FRMD4A: variants seen among roughly 807,000 people sequenced by gnomAD.
FRMD4A encodes FERM domain-containing protein 4A.
In FRMD4A, 29 loss-of-function variants were observed where a neutral mutation model predicts 129.1. That is an observed-to-expected ratio of 0.22 (90% confidence interval 0.17 to 0.31). The LOEUF is 0.31. Ranked by LOEUF, FRMD4A falls within the 10% of genes least tolerant of loss-of-function variation. The pLI is 1.00. For synonymous variants in FRMD4A, 634 were observed against 571.6 expected, an observed-to-expected ratio of 1.11 and a Z score of -1.56; for missense variants, 1,272 against 1,375.8, an observed-to-expected ratio of 0.92 and a Z score of 1.19.
intron 4 of FRMD4A, among the ~76,000 whole-genome samples, chr10:13,797,434 G>C (rs1386604436): frequency 6.6e-6 from 1 of 152,136 alleles, no homozygotes; most frequent in African/African-American, 2.4e-5. Flanking sequence ...CCACTTTCCA[G>C]GCAGAAAGAC....
At chr10:13,787,164 G>A (rs548971955) in intron 5 of FRMD4A, among the ~76,000 whole-genome samples, 48 of 152,242 alleles carry the variant, frequency 3.2e-4, no homozygotes, top group African/African-American at 1.1e-3. Flanking sequence ...ACCTCCTCTC[G>A]ACGGAAGTGG....
intron 2 of FRMD4A, among the ~76,000 whole-genome samples, chr10:13,918,800 T>C (rs1447913121): frequency 6.6e-6 from 1 of 151,942 alleles, no homozygotes; most frequent in African/African-American, 2.4e-5. Context: ...AATGCTGGGA[T>C]TACAGGCATG....
chr10:14,330,417 T>G (rs1843474443), intron 1 of FRMD4A, among the ~76,000 whole-genome samples, 180 bp downstream of exon 1: 1 of 151,972 alleles, frequency 6.6e-6, no homozygotes, highest in Admixed American at 6.6e-5. Flanking sequence ...AACACAAACG[T>G]GAAAGCTTAG....
At chr10:14,030,678 T>A (rs1833195966) in intron 2 of FRMD4A, among the ~76,000 whole-genome samples, 1 of 152,222 alleles carries the variant, frequency 6.6e-6, no homozygotes, top group South Asian at 2.1e-4. Context: ...CATGTTAATT[T>A]AAAGGTTTGC....
chr10:14,294,898 A>G (rs1192121329), intron 2 of FRMD4A, among the ~76,000 whole-genome samples: 1 of 152,178 alleles, frequency 6.6e-6, no homozygotes, highest in South Asian at 2.1e-4. Flanking sequence ...ATCATTCAGC[A>G]CGTCTCCTTT....
chr10:13,917,832 G>C (rs2131248339), intron 2 of FRMD4A, among the ~76,000 whole-genome samples: 2 of 152,316 alleles, frequency 1.3e-5, no homozygotes, highest in South Asian at 4.1e-4. Context: ...CACTCACAAG[G>C]TGCATGGCCT....
chr10:13,954,285 G>C (rs759899640), intron 2 of FRMD4A, among the ~76,000 whole-genome samples: 1 of 152,170 alleles, frequency 6.6e-6, no homozygotes, highest in Non-Finnish European at 1.5e-5. Flanking sequence ...AGAAAAAGTG[G>C]TTTAATGGAC....
intron 2 of FRMD4A, among the ~76,000 whole-genome samples, chr10:14,262,788 C>T (rs1437338480): frequency 6.6e-6 from 1 of 152,176 alleles, no homozygotes; most frequent in African/African-American, 2.4e-5. Flanking sequence ...GGGCCTCAGA[C>T]CACCATGCTG....
At chr10:13,777,666 G>A (rs369130795) in intron 6 of FRMD4A, among the ~76,000 whole-genome samples, 3 of 152,072 alleles carry the variant, frequency 2.0e-5, no homozygotes, top group African/African-American at 7.2e-5. Flanking sequence ...TCCCTGAATC[G>A]CAAAGTCCTA....
At chr10:13,693,371 G>A (rs976440857) in intron 15 of FRMD4A, 13 of 330,774 alleles carry the variant, frequency 3.9e-5, no homozygotes, top group Non-Finnish European at 5.8e-5. Context: ...GGAAGCGGAC[G>A]ACGGAACCAG....
At chr10:14,312,161 T>A (rs960868944) in intron 2 of FRMD4A, among the ~76,000 whole-genome samples, 1 of 152,186 alleles carries the variant, frequency 6.6e-6, no homozygotes, top group East Asian at 1.9e-4. Flanking sequence ...AATTTGGGTA[T>A]GATTCTTGGG....
chr10:13,865,408 GTTTTATTTTA>G (rs56008576), intron 2 of FRMD4A, among the ~76,000 whole-genome samples: 14,714 of 127,062 alleles, frequency 0.12, 1,609 homozygotes, highest in African/African-American at 0.28. Context: ...TATTTTATTT[GTTTTATTTTA>G]TTTTATTTTA....
intron 20 of FRMD4A, among the ~76,000 whole-genome samples, 196 bp downstream of exon 20, chr10:13,660,120 C>T (rs2082519891): frequency 6.6e-6 from 1 of 152,246 alleles, no homozygotes; most frequent in Non-Finnish European, 1.5e-5. Flanking sequence ...CCCAATTTCT[C>T]TGAGTCACAA....
chr10:13,813,138 G>T (rs945869080), intron 3 of FRMD4A, among the ~76,000 whole-genome samples: 2 of 152,198 alleles, frequency 1.3e-5, no homozygotes, highest in African/African-American at 4.8e-5. Context: ...AGGTAGTGTG[G>T]CTGCTTTTTA....
intron 6 of FRMD4A, among the ~76,000 whole-genome samples, chr10:13,772,122 A>T (rs956256168): frequency 4.8e-5 from 7 of 146,118 alleles, no homozygotes; most frequent in African/African-American, 7.5e-5. Flanking sequence ...GCCTCAAAAA[A>T]ATATATATAT....
At chr10:14,081,737 G>A (rs1403687922) in intron 2 of FRMD4A, among the ~76,000 whole-genome samples, 1 of 152,158 alleles carries the variant, frequency 6.6e-6, no homozygotes, top group African/African-American at 2.4e-5. Context: ...CTCCTAGCAG[G>A]CAAGAAGTCT....
At chr10:14,164,237 T>A (rs752498276) in intron 2 of FRMD4A, among the ~76,000 whole-genome samples, 4 of 152,236 alleles carry the variant, frequency 2.6e-5, no homozygotes, top group Admixed American at 6.5e-5. Context: ...AAGCCTCATC[T>A]TCAGGCACAA....
At chr10:14,316,017 G>C (rs1235800839) in intron 2 of FRMD4A, among the ~76,000 whole-genome samples, 1 of 152,234 alleles carries the variant, frequency 6.6e-6, no homozygotes. Context: ...TCTAGTCATA[G>C]ACACTGTTGA....
rs747702399 is a variant in FRMD4A at position 14,330,015 on chromosome 10, G to T, written c.45+43C>A. 12 of 1,543,314 alleles carry T rather than the reference G, an allele frequency of 7.8e-6. 1 individual carries two copies. In the South Asian group the frequency reaches 1.4e-4, roughly 18 times the overall value. On this transcript the variant is annotated intron_variant, in intron 2 of 24. Coordinates refer to ENST00000357447, the MANE Select transcript of FRMD4A (RefSeq NM_018027.5). Reference sequence around the variant, plus strand: ...GCAGCCCACGGTGCAGGGGAGGCTGGAGTGGACGCTGCCCGGGCCCCACCT... The same window carrying T: ...GCAGCCCACGGTGCAGGGGAGGCTGTAGTGGACGCTGCCCGGGCCCCACCT...
Sources: gnomAD v4.1 joint callset for allele counts (sites outside exome capture counted in the v4.1 genomes callset) on GRCh38, gnomAD v4.1.1 for gene constraint, MANE v1.5 for transcripts, NCBI Gene and HGNC (gene_info 2026-07-23, HGNC 2026-07-21) for gene names.